MAGI2: variants seen among roughly 807,000 people sequenced by gnomAD.
The protein encoded by MAGI2 is membrane-associated guanylate kinase, WW and PDZ domain-containing protein 2.
MAGI2 carries 35 observed loss-of-function variants against 133.3 expected under a neutral mutation model. The observed-to-expected ratio is 0.26, with a 90% CI of 0.20 to 0.35. MAGI2 has a LOEUF of 0.35. Ranked by LOEUF, MAGI2 falls within the 10% of genes least tolerant of loss-of-function variation. MAGI2 has a pLI of 1.00. For synonymous variants in MAGI2, 729 were observed against 710.6 expected, an observed-to-expected ratio of 1.03 and a Z score of -0.41; for missense variants, 1,636 against 1,863.4, an observed-to-expected ratio of 0.88 and a Z score of 2.25.
intron 2 of MAGI2, among the ~76,000 whole-genome samples, chr7:78,767,482 G>A (rs979169499): frequency 6.6e-6 from 1 of 151,970 alleles, no homozygotes; most frequent in African/African-American, 2.4e-5. Flanking sequence ...TCCTGAAATT[G>A]AACATAAAAT....
At chr7:78,823,650 T>C (rs1019352368) in intron 2 of MAGI2, among the ~76,000 whole-genome samples, 5 of 151,710 alleles carry the variant, frequency 3.3e-5, no homozygotes, top group Non-Finnish European at 7.4e-5. Flanking sequence ...AAATCATTTT[T>C]AGGTGATAAA....
At chr7:78,756,845 G>A (rs1471627948) in intron 2 of MAGI2, among the ~76,000 whole-genome samples, 6 of 151,848 alleles carry the variant, frequency 4.0e-5, no homozygotes, top group Non-Finnish European at 8.8e-5. Context: ...TGCTCCTCTT[G>A]CTTCATCATT....
chr7:79,418,869 GCACA>G (rs879433243), intron 1 of MAGI2, among the ~76,000 whole-genome samples: 11 of 46,414 alleles, frequency 2.4e-4, no homozygotes, highest in African/African-American at 9.5e-4. Flanking sequence ...ACACACACAC[GCACA>G]CACACACACA....
At chr7:78,394,729 A>C (rs1028039792) in intron 6 of MAGI2, among the ~76,000 whole-genome samples, 2 of 152,188 alleles carry the variant, frequency 1.3e-5, no homozygotes, top group Non-Finnish European at 2.9e-5. Flanking sequence ...ACCATTAGAC[A>C]GTGAGAACTG....
chr7:78,365,499 G>C (rs1258604749), intron 7 of MAGI2, among the ~76,000 whole-genome samples: 1 of 152,148 alleles, frequency 6.6e-6, no homozygotes, highest in Admixed American at 6.5e-5. Flanking sequence ...TTCTGGATAA[G>C]TTACTTAACT....
intron 6 of MAGI2, among the ~76,000 whole-genome samples, chr7:78,406,784 G>C (rs1003839186): frequency 1.3e-5 from 2 of 152,044 alleles, no homozygotes; most frequent in African/African-American, 2.4e-5. Context: ...CTATGGTAAG[G>C]ATAAAGCTGT....
At chr7:78,132,749 C>T in intron 18 of MAGI2, 140 bp downstream of exon 18, 18 of 1,258,468 alleles carry the variant, frequency 1.4e-5, no homozygotes, top group East Asian at 4.8e-5. Flanking sequence ...CACACAACCT[C>T]GAAATCACAC....
chr7:78,423,859 G>T (rs888843584), intron 6 of MAGI2, among the ~76,000 whole-genome samples: 2 of 152,134 alleles, frequency 1.3e-5, no homozygotes, highest in Non-Finnish European at 2.9e-5. Context: ...GCATTCAAGA[G>T]GTGACTTGGA....
At chr7:79,018,462 AGT>A (rs1471944561) in intron 1 of MAGI2, among the ~76,000 whole-genome samples, 4 of 152,212 alleles carry the variant, frequency 2.6e-5, no homozygotes, top group Admixed American at 6.5e-5. Flanking sequence ...TACATAGACT[AGT>A]GACACTATAA....
chr7:78,681,603 G>A lies in MAGI2; in HGVS notation c.419-54364C>T, dbSNP rs530643540. 7.2e-5 allele frequency among the ~76,000 whole-genome samples: 11 copies of A among 151,958 alleles called. 1 individual carries two copies. In the Middle Eastern group the frequency reaches 0.01, roughly 141 times the overall value. On this transcript the variant is annotated intron_variant, in intron 2 of 21. Transcript: ENST00000354212. ...AGGCCCTTACTCTTTTCAGAACATC[G>A]ATCTGTAATATATGCTGCCATATAC...
At chr7:79,132,858 T>C (rs1821057883) in intron 1 of MAGI2, among the ~76,000 whole-genome samples, 1 of 152,138 alleles carries the variant, frequency 6.6e-6, no homozygotes, top group African/African-American at 2.4e-5. Context: ...AGGAGTACGG[T>C]GGTATCTCAT....
chr7:78,889,929 C>T (rs575518463), intron 2 of MAGI2, among the ~76,000 whole-genome samples: 1 of 152,268 alleles, frequency 6.6e-6, no homozygotes, highest in South Asian at 2.1e-4. Flanking sequence ...AAGACACAGA[C>T]TGGCAAATTG....
At chr7:78,286,486 G>C (rs1228382191) in intron 9 of MAGI2, among the ~76,000 whole-genome samples, 1 of 152,112 alleles carries the variant, frequency 6.6e-6, no homozygotes, top group East Asian at 1.9e-4. Context: ...CGTGACCTTT[G>C]TTTTGAGTAG....
At chr7:79,439,039 C>A (rs1263742647) in intron 1 of MAGI2, among the ~76,000 whole-genome samples, 1 of 152,022 alleles carries the variant, frequency 6.6e-6, no homozygotes, top group Non-Finnish European at 1.5e-5. Flanking sequence ...TCCTCGGTTG[C>A]CTCCAGAAGT....
intron 1 of MAGI2, among the ~76,000 whole-genome samples, chr7:79,374,393 G>A (rs1028322960): frequency 1.3e-5 from 2 of 151,628 alleles, no homozygotes; most frequent in Non-Finnish European, 2.9e-5. Flanking sequence ...CCATGTACAA[G>A]TCAAGGAACA....
intron 3 of MAGI2, among the ~76,000 whole-genome samples, chr7:78,524,493 T>G (rs1796783106): frequency 6.6e-6 from 1 of 152,160 alleles, no homozygotes; most frequent in African/African-American, 2.4e-5. Context: ...TCACTATAGA[T>G]ATTCACAGTA....
chr7:78,569,892 A>C (rs1211608809), intron 3 of MAGI2, among the ~76,000 whole-genome samples: 2 of 152,232 alleles, frequency 1.3e-5, no homozygotes, highest in Non-Finnish European at 2.9e-5. Flanking sequence ...GGTATTATCC[A>C]GTACGTAATC....
At chr7:78,627,056 A>G in intron 3 of MAGI2, 64 bp downstream of exon 3, 2 of 1,494,506 alleles carry the variant, frequency 1.3e-6, no homozygotes, top group Non-Finnish European at 1.8e-6. Flanking sequence ...GTCCCCGTGC[A>G]TTTCCATCGA....
At chr7:79,366,033 G>A (rs545111715) in intron 1 of MAGI2, among the ~76,000 whole-genome samples, 3 of 151,632 alleles carry the variant, frequency 2.0e-5, no homozygotes, top group East Asian at 3.9e-4. Context: ...CTTAAGCCCA[G>A]GGGTTGGAGA....
Sources: gnomAD v4.1 joint callset for allele counts (sites outside exome capture counted in the v4.1 genomes callset) on GRCh38, gnomAD v4.1.1 for gene constraint, MANE v1.5 for transcripts, NCBI Gene and HGNC (gene_info 2026-07-23, HGNC 2026-07-21) for gene names.